The following PCDHA5 variants were observed in gnomAD, a reference collection of about 807,000 sequenced individuals.
PCDHA5 encodes protocadherin alpha 5.
A neutral mutation model predicts 61.6 loss-of-function variants in PCDHA5; 43 were observed. The observed-to-expected ratio is 0.70, with a 90% CI of 0.55 to 0.90. The LOEUF is 0.90. PCDHA5 is among the 40% of genes least tolerant of loss of function. PCDHA5 has a pLI of 0.00. For synonymous variants in PCDHA5, 627 were observed against 543.9 expected, an observed-to-expected ratio of 1.15 and a Z score of -2.13; for missense variants, 1,298 against 1,222.7, an observed-to-expected ratio of 1.06 and a Z score of -0.92.
chr5:140,944,255 A>G (rs1266795910), intron 1 of PCDHA5, among the ~76,000 whole-genome samples: 5 of 152,098 alleles, frequency 3.3e-5, no homozygotes, highest in African/African-American at 1.2e-4. Context: ...TGATGTGATC[A>G]CTGCTCACTG....
intron 1 of PCDHA5, chr5:140,825,571 T>A (rs1196041650): frequency 6.6e-6 from 1 of 151,826 alleles, no homozygotes; most frequent in Non-Finnish European, 1.5e-5. Flanking sequence ...ATTACAGGCA[T>A]GTGCCCACAC....
At position 140,870,457 on chromosome 5, in the gene PCDHA5, C is replaced by T. The variant is rs2052038650; in HGVS notation, c.2352+46330C>T. 3.1e-6 allele frequency: 5 copies of T among 1,614,110 alleles called. No individual in the cohort carries two copies. Among genetic ancestry groups the T allele is most frequent in the African/African-American group, 1.3e-5 (1 of 74,948 alleles). ...GGTGGCCGACGTGAACGACAATGCG[C>T]CTGCGTTCGCACAGCCCGAGTACAC... On this transcript the variant is annotated intron_variant, in intron 1 of 3. Coordinates refer to ENST00000529859, the MANE Select transcript of PCDHA5 (RefSeq NM_018908.3).
chr5:140,827,562 G>A (rs1342392070), intron 1 of PCDHA5, among the ~76,000 whole-genome samples: 2 of 152,094 alleles, frequency 1.3e-5, no homozygotes, highest in African/African-American at 4.8e-5. Flanking sequence ...TTTCCCTAGA[G>A]CACTATATAA....
chr5:140,919,607 A>T (rs1357882512), intron 1 of PCDHA5, among the ~76,000 whole-genome samples: 1 of 152,158 alleles, frequency 6.6e-6, no homozygotes. Context: ...ATAAATTTTA[A>T]ACTGTATCTT....
intron 1 of PCDHA5, chr5:140,864,715 T>G (rs540368944): frequency 1.3e-5 from 2 of 152,390 alleles, no homozygotes; most frequent in Non-Finnish European, 2.9e-5. Flanking sequence ...GCTCTTCTAC[T>G]ATTTTGGGAA....
chr5:140,865,891 G>T (rs2153226953), intron 1 of PCDHA5: 1 of 152,240 alleles, frequency 6.6e-6, no homozygotes, highest in African/African-American at 2.4e-5. Context: ...AGCACAAATT[G>T]TGTACAGGCA....
In PCDHA5 at chr5:140,877,160, C is replaced by A. The variant is rs782531082; in HGVS notation, c.2352+53033C>A. 4 of 1,613,814 alleles carry A rather than the reference C, an allele frequency of 2.5e-6. No individual in the cohort carries two copies. Among genetic ancestry groups the A allele is most frequent in the African/African-American group, 2.7e-5 (2 of 75,052 alleles). On this transcript the variant is annotated intron_variant, in intron 1 of 3. Transcript: ENST00000529859. ...GTGCTGGACGAGAACGACAACGCGC[C>A]GGCACTGCTGGCGACTCCGGCTGGC...
intron 1 of PCDHA5, chr5:140,967,461 G>A (rs782466677): frequency 6.8e-6 from 11 of 1,613,572 alleles, no homozygotes; most frequent in Non-Finnish European, 8.5e-6. Context: ...GCCGTGGATG[G>A]GGGCATCCCA....
chr5:140,888,558 C>T (rs782768307), intron 1 of PCDHA5, among the ~76,000 whole-genome samples: 6 of 152,188 alleles, frequency 3.9e-5, no homozygotes, highest in Non-Finnish European at 7.3e-5. Flanking sequence ...TTATTCCTTT[C>T]AAGGCTTCAT....
At chr5:140,955,240 G>A (rs2095156409) in intron 1 of PCDHA5, among the ~76,000 whole-genome samples, 1 of 152,102 alleles carries the variant, frequency 6.6e-6, no homozygotes, top group African/African-American at 2.4e-5. Flanking sequence ...TTTTGCTTAG[G>A]ATCGGCTTGG....
At chr5:140,856,956 T>C (rs781976306) in intron 1 of PCDHA5, 1 of 1,593,360 alleles carries the variant, frequency 6.3e-7, no homozygotes, top group South Asian at 1.1e-5. Context: ...GAAATAAAAG[T>C]AAATGATGCT....
intron 1 of PCDHA5, chr5:140,858,285 G>A (rs782182754): frequency 1.3e-6 from 2 of 1,597,520 alleles, no homozygotes; most frequent in Non-Finnish European, 8.6e-7. Flanking sequence ...GTGGGGAGCT[G>A]GTCTTACTCG....
chr5:140,857,754 C>G, intron 1 of PCDHA5: 1 of 1,597,392 alleles, frequency 6.3e-7, no homozygotes, highest in Non-Finnish European at 8.6e-7. Flanking sequence ...GCGTCTCCCG[C>G]TGGCAGCGCG....
chr5:140,830,344 G>A, intron 1 of PCDHA5: 2 of 1,614,112 alleles, frequency 1.2e-6, no homozygotes, highest in Non-Finnish European at 1.7e-6. Flanking sequence ...GGTCGTACTC[G>A]CAGCAGAGGC....
chr5:140,941,241 T>TTCTTTCTTTCTTTCTTTCTTTCTC (rs1585048929), intron 1 of PCDHA5, among the ~76,000 whole-genome samples: 1 of 140,458 alleles, frequency 7.1e-6, no homozygotes, highest in East Asian at 2.0e-4. Flanking sequence ...CTTTCTTTCT[T>TTCTTTCTTTCTTTCTTTCTTTCTC]TCTTTCTTTC....
chr5:140,884,573 C>T, intron 1 of PCDHA5: 1 of 1,614,170 alleles, frequency 6.2e-7, no homozygotes, highest in Non-Finnish European at 8.5e-7. Flanking sequence ...TAAGACGGAC[C>T]TCATGGCCTT....
chr5:140,825,779 T>C (rs1474440302), intron 1 of PCDHA5: 1 of 152,494 alleles, frequency 6.6e-6, no homozygotes, highest in Non-Finnish European at 1.5e-5. Context: ...CAAATTCTAC[T>C]ATATTTTGGT....
At chr5:140,919,404 T>C (rs1554199054) in intron 1 of PCDHA5, among the ~76,000 whole-genome samples, 1 of 152,218 alleles carries the variant, frequency 6.6e-6, no homozygotes, top group African/African-American at 2.4e-5. Context: ...TCCTAAAAAC[T>C]CTAGACTGAC....
In PCDHA5 at chr5:140,823,113, C is replaced by T; in HGVS notation, c.1338C>T (p.Asp446=). 1 of 1,614,074 alleles carries T rather than the reference C, an allele frequency of 6.2e-7. No homozygotes were observed. The highest frequency in any genetic ancestry group is 8.5e-7 in the Non-Finnish European group (1 of 1,179,988). ...ATASVSVEVA[D]VNDNAPAFAQ... Reference sequence around the variant, plus strand: ...CCAGCGTGTCTGTGGAAGTGGCCGACGTGAACGACAACGCTCCGGCGTTCG... The same window carrying T: ...CCAGCGTGTCTGTGGAAGTGGCCGATGTGAACGACAACGCTCCGGCGTTCG... The change falls in exon 1 of 4, where the codon GAC becomes GAT. Residue 446 remains aspartate (D), a synonymous_variant. Coordinates refer to ENST00000529859, the MANE Select transcript of PCDHA5 (RefSeq NM_018908.3).
Sources: allele counts gnomAD v4.1 joint callset (sites outside exome capture counted in the v4.1 genomes callset), GRCh38; gene constraint gnomAD v4.1.1; transcripts MANE v1.5; gene names NCBI Gene and HGNC (gene_info 2026-07-23, HGNC 2026-07-21).